The following SV2B variants were observed in gnomAD, a reference collection of about 807,000 sequenced individuals.
SV2B encodes the protein solute carrier family 22 member B2.
In SV2B, 41 loss-of-function variants were observed where a neutral mutation model predicts 73.9. The observed-to-expected ratio is 0.56, with a 90% CI of 0.43 to 0.72. The LOEUF (loss-of-function observed/expected upper bound fraction) is 0.72. SV2B is among the 30% of genes least tolerant of loss of function. The pLI is 0.00. For missense variants in SV2B, 764 were observed against 857.8 expected (o/e 0.89, Z 1.37); for synonymous variants, 314 against 314.2 (o/e 1.00, Z 0.01).
chr15:91,228,935 T>C (rs2046471273), intron 2 of SV2B, among the ~76,000 whole-genome samples: 2 of 152,224 alleles, frequency 1.3e-5, no homozygotes, highest in Non-Finnish European at 2.9e-5. Flanking sequence ...ATGATCTTTG[T>C]CCTTCAGTGT....
In SV2B at chr15:91,289,654, A is replaced by C. The variant is rs779100496; in HGVS notation, c.1842A>C (p.Thr614=). 6.2e-7 allele frequency: 1 copy of C among 1,613,702 alleles called. No homozygotes were observed. Among genetic ancestry groups the C allele is most frequent in the Non-Finnish European group, 8.5e-7 (1 of 1,180,010 alleles). The part of the protein sequence containing the change: ...IAAWNALDVI[T]VELYPTNQRA... ...CCTGGAATGCTCTGGATGTGATCACAGTGGAGCTGTATCCCACCAACCAGA... is the reference window on the plus strand; with the variant it reads ...CCTGGAATGCTCTGGATGTGATCACCGTGGAGCTGTATCCCACCAACCAGA... The change falls in exon 12 of 13, where the codon ACA becomes ACC. Residue 614 remains threonine (T), a synonymous_variant. Coordinates refer to ENST00000394232, the MANE Select transcript of SV2B (RefSeq NM_001323032.3). The surrounding 1 kb of genome is among the most constrained non-coding windows in gnomAD (Gnocchi z 4.9).
chr15:91,266,659 C>T lies in SV2B; in HGVS notation c.1086C>T (p.Arg362=), dbSNP rs758267389. 1 of 1,614,032 alleles carries T rather than the reference C, an allele frequency of 6.2e-7. No individual in the cohort carries two copies. The highest frequency in any genetic ancestry group is 1.3e-5 in the African/African-American group (1 of 75,044). ...GTTCAACAGGAACCTGGTACCAGCG[C>T]TGGCTGGTCAGATTCAAGACCATTT... ...IQSSTGTWYQ[R]WLVRFKTIFK... is the part of the protein sequence containing the mutation. Residue 362 remains arginine, a synonymous_variant, in exon 7 of 13, where the codon CGC becomes CGT. Transcript: ENST00000394232.
chr15:91,256,193 A>G (rs570247499), intron 4 of SV2B, among the ~76,000 whole-genome samples: 2 of 152,364 alleles, frequency 1.3e-5, no homozygotes, highest in African/African-American at 4.8e-5. Flanking sequence ...AGGGCAAGCT[A>G]GAAGATCAGC....
chr15:91,294,941 C>T lies in SV2B; in HGVS notation c.*2389C>T, dbSNP rs1176390097. The T allele has an allele frequency of 6.6e-6, 1 of 152,618 alleles. No individual in the cohort carries two copies. Among genetic ancestry groups the T allele is most frequent in the Non-Finnish European group, 1.5e-5 (1 of 68,050 alleles). 9.5% of individuals were successfully genotyped at this position (152,618 alleles called of 1,614,324 possible). A position where few individuals can be genotyped will look rare whatever the true frequency, so the allele number is the denominator to read the frequency against. On this transcript the variant is annotated 3_prime_UTR_variant, in exon 13 of 13. Transcript: ENST00000394232. The surrounding 1 kb of genome is among the most constrained non-coding windows in gnomAD (Gnocchi z 4.1). The stretch of plus-strand genomic sequence containing the variant: ...GCTCTGCAGACTTTTGCAGGATTGT[C>T]TAGCCTGAGTACCGGGCTACTTCTT...
chr15:91,247,377 A>G (rs1413803381), intron 2 of SV2B, among the ~76,000 whole-genome samples: 2 of 152,246 alleles, frequency 1.3e-5, no homozygotes, highest in Non-Finnish European at 2.9e-5. Context: ...TGGGATAGTC[A>G]GGAGACAAAT....
chr15:91,287,079 A>G (rs1026671415), intron 11 of SV2B, among the ~76,000 whole-genome samples: 1 of 152,190 alleles, frequency 6.6e-6, no homozygotes, highest in Non-Finnish European at 1.5e-5. Flanking sequence ...TGTAGATGCC[A>G]GTTTCCCCTG....
intron 1 of SV2B, among the ~76,000 whole-genome samples, chr15:91,111,595 A>T (rs754323473): frequency 6.6e-6 from 1 of 152,094 alleles, no homozygotes; most frequent in Non-Finnish European, 1.5e-5. Flanking sequence ...TGTGGGGAGG[A>T]TAGGGAATGG....
At chr15:91,237,346 T>G (rs2046824916) in intron 2 of SV2B, among the ~76,000 whole-genome samples, 1 of 152,188 alleles carries the variant, frequency 6.6e-6, no homozygotes, top group African/African-American at 2.4e-5. Context: ...ACTAGATGCC[T>G]GTAGCACCCT....
At chr15:91,163,920 C>T (rs2043817467) in intron 1 of SV2B, among the ~76,000 whole-genome samples, 1 of 152,036 alleles carries the variant, frequency 6.6e-6, no homozygotes, top group Non-Finnish European at 1.5e-5. Flanking sequence ...GTCTTTAATC[C>T]ATCTTGAATT....
At chr15:91,180,360 C>A (rs2044501239) in intron 1 of SV2B, among the ~76,000 whole-genome samples, 1 of 151,848 alleles carries the variant, frequency 6.6e-6, no homozygotes, top group South Asian at 2.1e-4. Context: ...GTGAATCTGA[C>A]AATTATGTGT....
Position 91,292,799 on chromosome 15 carries a change from T to A in SV2B, c.*247T>A. On this transcript the variant is annotated 3_prime_UTR_variant, in exon 13 of 13. Coordinates refer to ENST00000394232, the MANE Select transcript of SV2B (RefSeq NM_001323032.3). ...CGTGTTTAACTTCAAGTCTTCCCAGTCCAAGGCAGGGAGAGGATTCTCCAG... is the reference window on the plus strand; with the variant it reads ...CGTGTTTAACTTCAAGTCTTCCCAGACCAAGGCAGGGAGAGGATTCTCCAG... 2.5e-6 allele frequency: 1 copy of A among 407,076 alleles called. No individual in the cohort carries two copies. The highest frequency in any genetic ancestry group is 5.0e-5 in the South Asian group (1 of 19,940). 25.2% of individuals were successfully genotyped at this position (407,076 alleles called of 1,614,324 possible). A position where few individuals can be genotyped will look rare whatever the true frequency, so the allele number is the denominator to read the frequency against.
At chr15:91,161,834 C>T (rs2043729935) in intron 1 of SV2B, among the ~76,000 whole-genome samples, 1 of 152,130 alleles carries the variant, frequency 6.6e-6, no homozygotes, top group South Asian at 2.1e-4. Flanking sequence ...CTACTTTGTC[C>T]CCTGTGTATA....
chr15:91,158,866 G>A (rs1037127826), intron 1 of SV2B, among the ~76,000 whole-genome samples: 8 of 150,832 alleles, frequency 5.3e-5, no homozygotes. Flanking sequence ...GCTGTGTATC[G>A]TTGGAGCTGA....
intron 1 of SV2B, among the ~76,000 whole-genome samples, chr15:91,210,232 C>G (rs1190874239): frequency 6.6e-6 from 1 of 151,966 alleles, no homozygotes; most frequent in Non-Finnish European, 1.5e-5. Context: ...CTGATAATTT[C>G]CCCAGTGAGA....
intron 6 of SV2B, 142 bp from the exon 7 acceptor site, chr15:91,266,440 T>C: frequency 1.6e-6 from 1 of 607,734 alleles, no homozygotes; most frequent in Non-Finnish European, 2.8e-6. Flanking sequence ...AAACAGTTTT[T>C]GAATTTTTTT....
intron 9 of SV2B, among the ~76,000 whole-genome samples, chr15:91,275,854 AT>A (rs1476485762): frequency 6.6e-6 from 1 of 152,122 alleles, no homozygotes; most frequent in Non-Finnish European, 1.5e-5. Flanking sequence ...GTACTTAACC[AT>A]TTCTAGAGAT....
At chr15:91,172,885 C>T (rs901377079) in intron 1 of SV2B, among the ~76,000 whole-genome samples, 8 of 151,984 alleles carry the variant, frequency 5.3e-5, no homozygotes, top group Admixed American at 3.3e-4. Flanking sequence ...ATTGTTCTTG[C>T]CCGCCAAGTA....
intron 1 of SV2B, among the ~76,000 whole-genome samples, chr15:91,103,503 A>T (rs77643232): frequency 0.024 from 3,646 of 152,312 alleles, 57 homozygotes; most frequent in East Asian, 0.069. Context: ...CATGAAATGC[A>T]TTTACATAAT....
At position 91,223,800 on chromosome 15, in the gene SV2B, T is replaced by C. The variant is rs1293568301; in HGVS notation, c.-391-2073T>C. ...TGGTGAAAAATCGGAAAGAGTAGAGTGCGAATCATTTCTTAGTAAGTATTT... is the reference window on the plus strand; with the variant it reads ...TGGTGAAAAATCGGAAAGAGTAGAGCGCGAATCATTTCTTAGTAAGTATTT... On this transcript the variant is annotated intron_variant, in intron 1 of 12. Transcript: ENST00000394232. The surrounding 1 kb of genome is among the most constrained non-coding windows in gnomAD (Gnocchi z 4.6). Among the ~76,000 whole-genome samples the C allele has an allele frequency of 1.9e-4, 29 of 152,102 alleles. No homozygotes were observed. The highest frequency in any genetic ancestry group is 1.9e-3 in the Admixed American group (29 of 15,270).
Sources: allele counts gnomAD v4.1 joint callset (sites outside exome capture counted in the v4.1 genomes callset), GRCh38; gene constraint gnomAD v4.1.1; non-coding constraint Gnocchi (gnomAD v3.1); transcripts MANE v1.5; gene names NCBI Gene and HGNC (gene_info 2026-07-23, HGNC 2026-07-21).